The following PCDH9 variants were observed in gnomAD, a reference collection of about 807,000 sequenced individuals.
The protein encoded by PCDH9 is protocadherin-9.
A neutral mutation model predicts 70.6 loss-of-function variants in PCDH9; 24 were observed. The ratio of observed to expected loss-of-function variants is 0.34; its 90% CI spans 0.25 to 0.48. The LOEUF (loss-of-function observed/expected upper bound fraction) is 0.48. Among genes scored for constraint, PCDH9 ranks in the 20% least tolerant of loss-of-function variants. The pLI, the probability that PCDH9 is intolerant of heterozygous loss-of-function variation, is 0.99. For missense variants in PCDH9, 1,281 were observed against 1,503.6 expected (o/e 0.85, Z 2.45); for synonymous variants, 562 against 558.5 (o/e 1.01, Z -0.09).
intron 4 of PCDH9, among the ~76,000 whole-genome samples, chr13:66,489,782 A>T (rs1959003766): frequency 1.3e-5 from 2 of 152,184 alleles, no homozygotes; most frequent in Admixed American, 1.3e-4. Context: ...GATGACACAC[A>T]TACATTCTTA....
chr13:66,711,951 G>C (rs1566521790), intron 3 of PCDH9, among the ~76,000 whole-genome samples: 1 of 152,056 alleles, frequency 6.6e-6, no homozygotes, highest in African/African-American at 2.4e-5. Flanking sequence ...CAGTTCCCAG[G>C]TTTATGACAT....
chr13:66,344,947 G>C (rs1031766814), intron 4 of PCDH9, among the ~76,000 whole-genome samples: 1 of 152,144 alleles, frequency 6.6e-6, no homozygotes, highest in Non-Finnish European at 1.5e-5. Context: ...GAATTCAAAG[G>C]CTTTCTTGAT....
intron 2 of PCDH9, among the ~76,000 whole-genome samples, chr13:67,156,128 C>A (rs537308465): frequency 6.6e-6 from 1 of 152,144 alleles, no homozygotes; most frequent in African/African-American, 2.4e-5. Flanking sequence ...TCCACCCCCA[C>A]CGACCTAGAT....
intron 4 of PCDH9, among the ~76,000 whole-genome samples, chr13:66,464,347 T>C (rs1004398085): frequency 6.6e-6 from 1 of 151,832 alleles, no homozygotes; most frequent in Non-Finnish European, 1.5e-5. Flanking sequence ...TCAGAAGCAT[T>C]ATGTAGCTAA....
At chr13:67,214,436 C>T (rs574767549) in intron 2 of PCDH9, 2 of 152,140 alleles carry the variant, frequency 1.3e-5, no homozygotes, top group Non-Finnish European at 2.9e-5. Context: ...AACAGATTCT[C>T]TCTTATATGT....
intron 2 of PCDH9, among the ~76,000 whole-genome samples, chr13:66,917,957 C>G (rs1410138706): frequency 2.0e-5 from 3 of 151,190 alleles, no homozygotes; most frequent in Non-Finnish European, 4.4e-5. Context: ...TCTTAGGTGT[C>G]CAGAAAAGGA....
Position 67,225,969 on chromosome 13 carries a change from C to A in PCDH9, c.2472G>T (p.Met824Ile), listed in dbSNP as rs773628149. ...TIMIAIIAGA[M>I]VVIVVIFVTV... ...TGACGAAGATCACAACAATGACCACCATGGCACCGGCGATGATGGCAATCA... is the reference window on the plus strand; with the variant it reads ...TGACGAAGATCACAACAATGACCACAATGGCACCGGCGATGATGGCAATCA... Residue 824 changes from methionine to isoleucine, a missense_variant, in exon 2 of 5, where the codon ATG becomes ATT. Transcript: ENST00000377865. 8.1e-6 allele frequency: 13 copies of A among 1,614,100 alleles called. No individual in the cohort carries two copies. In the South Asian group the frequency reaches 8.8e-5, roughly 11 times the overall value.
chr13:66,579,055 G>A (rs1384311082), intron 4 of PCDH9, among the ~76,000 whole-genome samples: 2 of 152,008 alleles, frequency 1.3e-5, no homozygotes, highest in Non-Finnish European at 2.9e-5. Context: ...AACCAGTAAG[G>A]ACTGGGACCT....
chr13:67,068,492 G>C (rs2085695633), intron 2 of PCDH9, among the ~76,000 whole-genome samples: 1 of 152,066 alleles, frequency 6.6e-6, no homozygotes, highest in African/African-American at 2.4e-5. Context: ...GAGCTACATA[G>C]TTATTATATT....
chr13:66,717,231 G>C (rs992325092), intron 3 of PCDH9, among the ~76,000 whole-genome samples: 3 of 151,390 alleles, frequency 2.0e-5, no homozygotes, highest in Non-Finnish European at 4.4e-5. Flanking sequence ...CGAGGCGAGC[G>C]GATCACCTGA....
intron 1 of PCDH9, among the ~76,000 whole-genome samples, chr13:67,229,035 TA>T (rs1027781209): frequency 6.6e-6 from 1 of 152,224 alleles, no homozygotes; most frequent in Non-Finnish European, 1.5e-5. Flanking sequence ...CTATCTTTTC[TA>T]AAAAGGCTAT....
chr13:66,903,701 A>G (rs1594235263), intron 2 of PCDH9, 96 bp from the exon 3 acceptor site: 1 of 543,662 alleles, frequency 1.8e-6, no homozygotes. Context: ...ATAAAGGAAT[A>G]CCACTTGAGC....
At chr13:67,166,016 T>C (rs2088106719) in intron 2 of PCDH9, among the ~76,000 whole-genome samples, 1 of 152,206 alleles carries the variant, frequency 6.6e-6, no homozygotes, top group African/African-American at 2.4e-5. Context: ...TTAGGCTTTC[T>C]AAATCTTTTT....
intron 2 of PCDH9, among the ~76,000 whole-genome samples, chr13:66,929,437 C>A (rs2082770244): frequency 6.6e-6 from 1 of 152,010 alleles, no homozygotes; most frequent in African/African-American, 2.4e-5. Flanking sequence ...AATTCTTCTG[C>A]CTCAGCCTCC....
At chr13:66,424,094 A>C (rs943029998) in intron 4 of PCDH9, among the ~76,000 whole-genome samples, 2 of 152,302 alleles carry the variant, frequency 1.3e-5, no homozygotes, top group Non-Finnish European at 2.9e-5. Context: ...AAAGGGAATA[A>C]AATATCTAGG....
At chr13:66,638,377 G>A (rs1453065263) in intron 3 of PCDH9, among the ~76,000 whole-genome samples, 4 of 151,416 alleles carry the variant, frequency 2.6e-5, no homozygotes, top group Admixed American at 6.6e-5. Context: ...ATCTAGGTAA[G>A]AAAAAAAAGG....
chr13:67,193,004 C>A (rs979917068), intron 2 of PCDH9, among the ~76,000 whole-genome samples: 1 of 152,106 alleles, frequency 6.6e-6, no homozygotes, highest in Non-Finnish European at 1.5e-5. Context: ...TGTCCATCAA[C>A]ACCTAATTGC....
chr13:66,491,763 G>A (rs1424497788), intron 4 of PCDH9, among the ~76,000 whole-genome samples: 1 of 152,002 alleles, frequency 6.6e-6, no homozygotes, highest in Non-Finnish European at 1.5e-5. Context: ...TTTAATGCAG[G>A]TTTTTATTAA....
rs185715752 is a variant in PCDH9, at chr13:67,225,133, T to C, written c.3036+272A>G. ...GTTTTTTCTTCTTCAGCAAACATTA[T>C]CTTGGGACATTTTGGAATAATTTTC... is the stretch of plus-strand genomic sequence containing the variant. On this transcript the variant is annotated intron_variant, in intron 2 of 4. Coordinates refer to ENST00000377865, the MANE Select transcript of PCDH9 (RefSeq NM_203487.3). 177 of 1,339,582 alleles carry C rather than the reference T, an allele frequency of 1.3e-4. No homozygotes were observed. In the African/African-American group the frequency reaches 2.5e-3, roughly 19 times the overall value. The allele number at this position is 1,339,582 out of a possible 1,614,324, so 83.0% of individuals were successfully genotyped here. A position where few individuals can be genotyped will look rare whatever the true frequency, so the allele number is the denominator to read the frequency against.
Sources: allele counts gnomAD v4.1 joint callset (sites outside exome capture counted in the v4.1 genomes callset), GRCh38; gene constraint gnomAD v4.1.1; transcripts MANE v1.5; gene names NCBI Gene and HGNC (gene_info 2026-07-23, HGNC 2026-07-21).